The following CACNA2D1 variants were observed in gnomAD, a reference collection of about 807,000 sequenced individuals.
The protein encoded by CACNA2D1 is calcium voltage-gated channel auxiliary subunit alpha2delta 1.
Under a neutral mutation model 171.5 loss-of-function variants are expected in CACNA2D1, and 53 were observed. The ratio of observed to expected loss-of-function variants is 0.31; its 90% CI spans 0.25 to 0.39. The LOEUF (loss-of-function observed/expected upper bound fraction) is 0.39. Ranked by LOEUF, CACNA2D1 falls within the 10% of genes least tolerant of loss-of-function variation. CACNA2D1 has a pLI of 1.00. For missense variants in CACNA2D1, 903 were observed against 1,299.8 expected, an observed-to-expected ratio of 0.69 and a Z score of 4.69; for synonymous variants, 442 against 443.1, an observed-to-expected ratio of 1.00 and a Z score of 0.03.
intron 3 of CACNA2D1, among the ~76,000 whole-genome samples, chr7:82,254,922 C>T (rs1806113505): frequency 6.6e-6 from 1 of 152,128 alleles, no homozygotes. Context: ...CCTTTACAAA[C>T]TTAGATTCTG....
intron 10 of CACNA2D1, among the ~76,000 whole-genome samples, chr7:82,055,240 C>T (rs1805676391): frequency 6.6e-6 from 1 of 152,172 alleles, no homozygotes; most frequent in Non-Finnish European, 1.5e-5. Flanking sequence ...CCCCTATACC[C>T]TCTGGACAGG....
At chr7:82,345,362 G>C (rs1819123903) in intron 2 of CACNA2D1, among the ~76,000 whole-genome samples, 1 of 152,150 alleles carries the variant, frequency 6.6e-6, no homozygotes, top group African/African-American at 2.4e-5. Flanking sequence ...TCAAAAGCCA[G>C]GAAGTTCTAT....
chr7:82,358,889 T>A (rs541087784), intron 1 of CACNA2D1, among the ~76,000 whole-genome samples: 1 of 152,322 alleles, frequency 6.6e-6, no homozygotes, highest in East Asian at 1.9e-4. Context: ...TTTCATCTTT[T>A]CTTTATTTTC....
intron 34 of CACNA2D1, 63 bp from the exon 35 acceptor site, chr7:81,962,558 C>T (rs1196311812): frequency 5.3e-5 from 51 of 955,246 alleles, no homozygotes; most frequent in Non-Finnish European, 8.2e-5. Context: ...TACATGTACC[C>T]ATACACATAA....
chr7:82,347,831 A>C (rs539813300), intron 2 of CACNA2D1, among the ~76,000 whole-genome samples: 1 of 146,870 alleles, frequency 6.8e-6, no homozygotes, highest in African/African-American at 2.7e-5. Context: ...CTATTTTGTT[A>C]TGTTAATTCA....
intron 3 of CACNA2D1, among the ~76,000 whole-genome samples, chr7:82,330,083 AG>A (rs1434831943): frequency 2.0e-5 from 3 of 148,686 alleles, no homozygotes; most frequent in African/African-American, 7.5e-5. Context: ...ACAAAAAAAA[AG>A]CAAAATTGCT....
intron 1 of CACNA2D1, among the ~76,000 whole-genome samples, chr7:82,368,755 C>T (rs961576377): frequency 1.3e-5 from 2 of 152,148 alleles, no homozygotes; most frequent in Non-Finnish European, 2.9e-5. Flanking sequence ...AGATACATCA[C>T]AGTCATAGTT....
intron 5 of CACNA2D1, among the ~76,000 whole-genome samples, chr7:82,127,253 A>C (rs1190481120): frequency 6.6e-6 from 1 of 152,240 alleles, no homozygotes; most frequent in Non-Finnish European, 1.5e-5. Flanking sequence ...CCATTAGATG[A>C]AATTAAGGAA....
Position 82,217,390 on chromosome 7 carries a change from CATACATAT to C in CACNA2D1, c.295-46789_295-46782del, listed in dbSNP as rs1259554833. Reference sequence around the variant, plus strand: ...ATATACACACATATACACACACACACATACATATATATATATATATATATATATATATA... The same window carrying C: ...ATATACACACATATACACACACACACATATATATATATATATATATATATA... On this transcript the variant is annotated intron_variant, in intron 3 of 38. Coordinates refer to ENST00000356860, the MANE Select transcript of CACNA2D1 (RefSeq NM_000722.4). Among the ~76,000 whole-genome samples, 5 of 54,448 alleles carry C rather than the reference CATACATAT, an allele frequency of 9.2e-5. 1 individual carries two copies. The highest frequency in any genetic ancestry group is 6.5e-4 in the African/African-American group (5 of 7,648). 35.7% of individuals were successfully genotyped at this position (54,448 alleles called of 152,430 possible). A position where few individuals can be genotyped will look rare whatever the true frequency, so the allele number is the denominator to read the frequency against.
intron 2 of CACNA2D1, among the ~76,000 whole-genome samples, chr7:82,347,473 C>A (rs1331874967): frequency 1.3e-5 from 2 of 152,066 alleles, no homozygotes; most frequent in African/African-American, 4.8e-5. Context: ...TTCATTTCTA[C>A]AATAATAAAT....
At chr7:82,055,811 C>T (rs1267687062) in intron 10 of CACNA2D1, among the ~76,000 whole-genome samples, 1 of 143,122 alleles carries the variant, frequency 7.0e-6, no homozygotes, top group Non-Finnish European at 1.5e-5. Context: ...ATACCTAATG[C>T]TAAATGACGA....
Position 81,956,242 on chromosome 7 carries a change from G to T in CACNA2D1, c.3159+3033C>A, listed in dbSNP as rs149049847. Among the ~76,000 whole-genome samples the T allele has an allele frequency of 4.8e-3, 726 of 151,792 alleles. 9 individuals carry two copies. Among genetic ancestry groups the T allele is most frequent in the African/African-American group, 0.017 (696 of 41,426 alleles). ...ACCCACCTCGGCCTCCCAAAGTGCT[G>T]GGATTATAGGCTTGAACCACTGCAC... On this transcript the variant is annotated intron_variant, in intron 38 of 38. Transcript: ENST00000356860.
intron 5 of CACNA2D1, among the ~76,000 whole-genome samples, chr7:82,120,653 G>A (rs748237812): frequency 1.1e-4 from 16 of 152,056 alleles, no homozygotes; most frequent in Admixed American, 9.8e-4. Flanking sequence ...AAGGCAGGTG[G>A]ATCACGAGGT....
chr7:82,390,813 G>A (rs185016239), intron 1 of CACNA2D1, among the ~76,000 whole-genome samples: 6 of 151,632 alleles, frequency 4.0e-5, no homozygotes, highest in Non-Finnish European at 7.4e-5. Context: ...AGACTAACAG[G>A]GTTATAAAAA....
chr7:82,368,347 C>T (rs1315567262), intron 1 of CACNA2D1, among the ~76,000 whole-genome samples: 2 of 152,220 alleles, frequency 1.3e-5, no homozygotes, highest in East Asian at 3.8e-4. Context: ...TACTATTTAA[C>T]ATTATATGGC....
chr7:82,017,311 T>C (rs1247692160), intron 12 of CACNA2D1, among the ~76,000 whole-genome samples: 1 of 152,164 alleles, frequency 6.6e-6, no homozygotes, highest in Non-Finnish European at 1.5e-5. Flanking sequence ...AAAAATTTCA[T>C]TCCCTAGCGC....
chr7:82,082,834 G>A (rs558261300), intron 7 of CACNA2D1, among the ~76,000 whole-genome samples: 1 of 151,906 alleles, frequency 6.6e-6, no homozygotes, highest in Non-Finnish European at 1.5e-5. Flanking sequence ...TATATGATTA[G>A]CATCAAAAAA....
At chr7:82,252,662 C>T (rs1335148976) in intron 3 of CACNA2D1, among the ~76,000 whole-genome samples, 4 of 152,076 alleles carry the variant, frequency 2.6e-5, no homozygotes, top group Non-Finnish European at 4.4e-5. Context: ...GAGGCCAAGG[C>T]GGGCAGATCA....
chr7:81,971,737 T>A, intron 26 of CACNA2D1, 40 bp downstream of exon 26: 2 of 1,116,616 alleles, frequency 1.8e-6, no homozygotes, highest in Non-Finnish European at 2.7e-6. Context: ...TAAATTGAAA[T>A]GCAGAATACA....
Sources: allele counts gnomAD v4.1 joint callset (sites outside exome capture counted in the v4.1 genomes callset), GRCh38; gene constraint gnomAD v4.1.1; transcripts MANE v1.5; gene names NCBI Gene and HGNC (gene_info 2026-07-23, HGNC 2026-07-21).